DGKI: variants seen among roughly 807,000 people sequenced by gnomAD.
DGKI encodes the protein diacylglycerol kinase iota.
DGKI carries 55 observed loss-of-function variants against 147.5 expected under a neutral mutation model. The ratio of observed to expected loss-of-function variants is 0.37; its 90% confidence interval spans 0.30 to 0.47. DGKI has a LOEUF of 0.47. Among genes scored for constraint, DGKI ranks in the 20% least tolerant of loss-of-function variants. The probability of loss-of-function intolerance (pLI) is 1.00; values close to 1 mark genes in which losing one functional copy is unlikely to be tolerated. For missense variants in DGKI, 1,007 were observed against 1,323.8 expected (o/e 0.76, Z 3.71); for synonymous variants, 469 against 477.1 (o/e 0.98, Z 0.22).
intron 2 of DGKI, among the ~76,000 whole-genome samples, chr7:137,679,086 A>C (rs1038559338): frequency 6.6e-6 from 1 of 152,234 alleles, no homozygotes; most frequent in African/African-American, 2.4e-5. Context: ...GGTAGCATTA[A>C]AGTATTTTAA....
At chr7:137,744,328 T>C (rs149736742) in intron 1 of DGKI, among the ~76,000 whole-genome samples, 206 of 152,162 alleles carry the variant, frequency 1.4e-3, no homozygotes, top group Non-Finnish European at 2.3e-3. Flanking sequence ...CCTCTGAAGA[T>C]TGAACCAGGC....
chr7:137,838,008 T>G (rs1234450796), intron 1 of DGKI, among the ~76,000 whole-genome samples: 1 of 147,058 alleles, frequency 6.8e-6, no homozygotes, highest in Non-Finnish European at 1.5e-5. Flanking sequence ...TTTTTTTTTT[T>G]TTTTTTTTTT....
intron 8 of DGKI, among the ~76,000 whole-genome samples, chr7:137,612,351 G>A (rs183079145): frequency 5.9e-5 from 9 of 151,372 alleles, no homozygotes; most frequent in East Asian, 2.0e-4. Flanking sequence ...AAGCACAGTC[G>A]TTGACTTACA....
intron 3 of DGKI, among the ~76,000 whole-genome samples, chr7:137,661,151 T>C (rs554879532): frequency 4.6e-5 from 7 of 152,226 alleles, no homozygotes; most frequent in Non-Finnish European, 8.8e-5. Flanking sequence ...ACTGCGGTCC[T>C]AAGAGCTCCC....
intron 19 of DGKI, among the ~76,000 whole-genome samples, chr7:137,560,212 A>C (rs1818371361): frequency 6.6e-6 from 1 of 152,218 alleles, no homozygotes; most frequent in African/African-American, 2.4e-5. Context: ...GCAAATTGAA[A>C]GCTGCAGAAA....
intron 10 of DGKI, among the ~76,000 whole-genome samples, chr7:137,607,970 G>C (rs1165456069): frequency 6.6e-6 from 1 of 152,124 alleles, no homozygotes; most frequent in Non-Finnish European, 1.5e-5. Context: ...GAGATGAAAG[G>C]AAGAATAATA....
chr7:137,585,492 CT>C, intron 13 of DGKI, 146 bp from the exon 14 acceptor site: 1 of 872,154 alleles, frequency 1.1e-6, no homozygotes, highest in Non-Finnish European at 1.7e-6. Flanking sequence ...CCTTGAGGTA[CT>C]TAGAATTTGA....
chr7:137,664,959 G>A (rs1228685618), intron 3 of DGKI, among the ~76,000 whole-genome samples: 1 of 152,148 alleles, frequency 6.6e-6, no homozygotes, highest in Non-Finnish European at 1.5e-5. Flanking sequence ...ACACCCAAAG[G>A]AAGTGAGAGA....
intron 1 of DGKI, among the ~76,000 whole-genome samples, chr7:137,708,793 TG>T (rs1794124780): frequency 6.6e-6 from 1 of 152,068 alleles, no homozygotes; most frequent in African/African-American, 2.4e-5. Context: ...TGGGAATAAG[TG>T]GTAGAAAATG....
chr7:137,539,079 A>G (rs1163497090), intron 20 of DGKI, among the ~76,000 whole-genome samples: 1 of 152,058 alleles, frequency 6.6e-6, no homozygotes, highest in African/African-American at 2.4e-5. Context: ...CTCCCACTAC[A>G]CTACTCAGGC....
At chr7:137,578,106 C>T (rs978161096) in intron 16 of DGKI, among the ~76,000 whole-genome samples, 164 bp downstream of exon 16, 5 of 152,154 alleles carry the variant, frequency 3.3e-5, no homozygotes, top group Non-Finnish European at 7.4e-5. Flanking sequence ...AAGAAATACA[C>T]CTCACTTTCA....
At position 137,616,621 on chromosome 7, in the gene DGKI, T is replaced by A. The variant is rs116008961; in HGVS notation, c.993+3203A>T. On this transcript the variant is annotated intron_variant, in intron 8 of 32. Coordinates refer to ENST00000614521, the MANE Select transcript of DGKI (RefSeq NM_001321708.2). ...ATAACAAATGTGAAGACAGACACCA[T>A]GTGGAAGAGGTTCCAATGGTTGGAG... Among the ~76,000 whole-genome samples the A allele has an allele frequency of 3.7e-3, 567 of 152,194 alleles. 4 individuals are homozygous for A. The highest frequency in any genetic ancestry group is 0.013 in the African/African-American group (550 of 41,550).
Position 137,581,934 on chromosome 7 carries a change from A to G in DGKI, c.1564-6T>C, listed in dbSNP as rs780604314. ...TTGAAAACATTCAGAGGGAGCTGCA[A>G]TGATAAACAAAGACAGAGGCAAAAT... On this transcript the variant is annotated splice_polypyrimidine_tract_variant and splice_region_variant and intron_variant, in intron 14 of 32. Transcript: ENST00000614521. The G allele has an allele frequency of 2.5e-6, 4 of 1,612,618 alleles. No individual in the cohort carries two copies. Among genetic ancestry groups the G allele is most frequent in the Non-Finnish European group, 3.4e-6 (4 of 1,178,998 alleles).
At chr7:137,599,704 G>T (rs1819919610) in intron 11 of DGKI, 119 bp downstream of exon 11, 1 of 829,858 alleles carries the variant, frequency 1.2e-6, no homozygotes, top group Non-Finnish European at 2.0e-6. Flanking sequence ...GGAGAGTACA[G>T]GTGAGAAGGT....
intron 20 of DGKI, among the ~76,000 whole-genome samples, chr7:137,538,785 A>T (rs976784023): frequency 1.3e-5 from 2 of 152,212 alleles, no homozygotes; most frequent in Non-Finnish European, 2.9e-5. Context: ...CAGGTTTCAT[A>T]AAGCAGCTAT....
At chr7:137,432,122 G>A (rs940586838) in intron 28 of DGKI, among the ~76,000 whole-genome samples, 6 of 152,048 alleles carry the variant, frequency 3.9e-5, no homozygotes, top group African/African-American at 9.7e-5. Flanking sequence ...CTTCCCCTTC[G>A]CCTTCTGCCA....
chr7:137,688,200 C>T (rs982537080), intron 2 of DGKI, among the ~76,000 whole-genome samples: 1 of 152,128 alleles, frequency 6.6e-6, no homozygotes. Context: ...TTCCTTTCTG[C>T]CCACAGGATT....
At chr7:137,423,112 T>A (rs1812645072) in intron 28 of DGKI, among the ~76,000 whole-genome samples, 1 of 152,226 alleles carries the variant, frequency 6.6e-6, no homozygotes, top group Admixed American at 6.5e-5. Context: ...CTTTGTTTTG[T>A]TTTACTTTCC....
chr7:137,530,730 G>C (rs1817310542), intron 20 of DGKI, among the ~76,000 whole-genome samples: 1 of 152,080 alleles, frequency 6.6e-6, no homozygotes, highest in Non-Finnish European at 1.5e-5. Flanking sequence ...GATTAGGCCA[G>C]AATCATTGGC....
Sources: gnomAD v4.1 joint callset for allele counts (sites outside exome capture counted in the v4.1 genomes callset) on GRCh38, gnomAD v4.1.1 for gene constraint, MANE v1.5 for transcripts, NCBI Gene and HGNC (gene_info 2026-07-23, HGNC 2026-07-21) for gene names.